The following LY75 variants were observed in gnomAD, a reference collection of about 807,000 sequenced individuals.
LY75 encodes C-type lectin domain family 13 member B.
A neutral mutation model predicts 231.7 loss-of-function variants in LY75; 185 were observed. That is an observed-to-expected ratio of 0.80 (90% CI 0.71 to 0.90). The LOEUF is 0.90. Ranked by LOEUF, LY75 falls within the 40% of genes least tolerant of loss-of-function variation. LY75 has a pLI of 0.00. For synonymous variants in LY75, 668 were observed against 689.0 expected (o/e 0.97, Z 0.48); for missense variants, 1,947 against 2,050.2 (o/e 0.95, Z 0.97).
chr2:159,850,212 A>G lies in LY75; in HGVS notation c.2990-72T>C, dbSNP rs1164773028. The G allele has an allele frequency of 3.3e-6, 5 of 1,520,780 alleles. No individual in the cohort carries two copies. In the Admixed American group the frequency reaches 1.1e-4, roughly 35 times the overall value. The allele number at this position is 1,520,780 out of a possible 1,614,324, so 94.2% of individuals were successfully genotyped here. A position where few individuals can be genotyped will look rare whatever the true frequency, so the allele number is the denominator to read the frequency against. On this transcript the variant is annotated intron_variant, in intron 22 of 34. Coordinates refer to ENST00000263636, the MANE Select transcript of LY75 (RefSeq NM_002349.4). ...AGATACATTAAAAATGTCAATGAATATATTTTGTTTATCTATCAACATAGT... is the reference window on the plus strand; with the variant it reads ...AGATACATTAAAAATGTCAATGAATGTATTTTGTTTATCTATCAACATAGT...
chr2:159,848,829 T>C (rs772733971), intron 23 of LY75, among the ~76,000 whole-genome samples: 2 of 152,100 alleles, frequency 1.3e-5, no homozygotes, highest in South Asian at 2.1e-4. Context: ...GAATAGGAGA[T>C]AGTAGGATTG....
chr2:159,816,860 T>C lies in LY75; in HGVS notation c.4326A>G (p.Glu1442=). 6.2e-7 allele frequency: 1 copy of C among 1,614,202 alleles called. No individual in the cohort carries two copies. The highest frequency in any genetic ancestry group is 8.5e-7 in the Non-Finnish European group (1 of 1,180,026). ...GAAATCCATCACGTTTTACAATATC[T>C]TCCAGAAAGAGCTGGCCATTTTGGT... ...VHNQNGQLFL[E]DIVKRDGFPL... The change falls in exon 30 of 35, where the codon GAA becomes GAG. Residue 1442 remains glutamate, a synonymous_variant. Transcript: ENST00000263636.
In LY75 at chr2:159,898,896, G is replaced by A. The variant is rs1485687670; in HGVS notation, c.258C>T (p.Leu86=). Residue 86 remains leucine (L), a synonymous_variant, in exon 2 of 35, where the codon CTC becomes CTT. Transcript: ENST00000263636. ...FHLHSQKCLG[L]DITKSVNELR... ...GCTCATTTACCGATTTGGTAATATC[G>A]AGGCCAAGGCACTTTTGGGAGTGCA... The A allele has an allele frequency of 5.6e-6, 9 of 1,614,104 alleles. No homozygotes were observed. Among genetic ancestry groups the A allele is most frequent in the East Asian group, 2.2e-5 (1 of 44,872 alleles).
At chr2:159,853,848 G>T in intron 18 of LY75, 151 bp from the exon 19 acceptor site, 1 of 995,088 alleles carries the variant, frequency 1.0e-6, no homozygotes, top group Non-Finnish European at 1.5e-6. Context: ...AGAACCTTTT[G>T]CCAAAGAGTA....
chr2:159,867,084 C>T (rs1161501338), intron 13 of LY75, among the ~76,000 whole-genome samples: 2 of 152,036 alleles, frequency 1.3e-5, no homozygotes, highest in Non-Finnish European at 2.9e-5. Flanking sequence ...AGAGTTTGCT[C>T]GATTGTCCAA....
intron 8 of LY75, 125 bp from the exon 9 acceptor site, chr2:159,879,494 T>C: frequency 7.3e-7 from 1 of 1,371,468 alleles, no homozygotes; most frequent in Non-Finnish European, 9.9e-7. Flanking sequence ...TTATCAAATG[T>C]GAGAACACAC....
At chr2:159,887,566 C>CAAAAAAAAAAAAAAAAAAAAAAAAAAAA (rs369452762) in intron 4 of LY75, among the ~76,000 whole-genome samples, 1 of 103,820 alleles carries the variant, frequency 9.6e-6, no homozygotes, top group Admixed American at 9.8e-5. Context: ...TCAACAACAA[C>CAAAAAAAAAAAAAAAAAAAAAAAAAAAA]AAAAAAAAAA....
intron 21 of LY75, among the ~76,000 whole-genome samples, chr2:159,851,613 C>G (rs1029395626): frequency 6.6e-6 from 1 of 152,162 alleles, no homozygotes; most frequent in Non-Finnish European, 1.5e-5. Flanking sequence ...CTGTAGCAAC[C>G]TCTTTTCAGA....
intron 23 of LY75, among the ~76,000 whole-genome samples, chr2:159,848,668 A>G (rs1684292848): frequency 6.6e-6 from 1 of 152,196 alleles, no homozygotes; most frequent in Non-Finnish European, 1.5e-5. Flanking sequence ...TATCAAGAAA[A>G]CAGTGTATGG....
In LY75 at chr2:159,819,799, A is replaced by T. The variant is rs1245768270; in HGVS notation, c.4080T>A (p.Ile1360=). ...AGLSTDGFWD[I]QTFKVIEEAV... ...CTTCTTCAATAACTTTAAAGGTTTG[A>T]ATATCCCAGAAGCCGTCAGTACTTA... Residue 1360 remains isoleucine, a synonymous_variant, in exon 29 of 35, where the codon ATT becomes ATA. Transcript: ENST00000263636. 2 of 1,613,890 alleles carry T rather than the reference A, an allele frequency of 1.2e-6. No individual in the cohort carries two copies. The highest frequency in any genetic ancestry group is 3.3e-5 in the Admixed American group (2 of 59,966).
At chr2:159,817,117 A>G (rs985631969) in intron 29 of LY75, 85 bp from the exon 30 acceptor site, 2 of 1,358,930 alleles carry the variant, frequency 1.5e-6, no homozygotes, top group Non-Finnish European at 1.9e-6. Flanking sequence ...ATCATTTCAA[A>G]AGTTAAATAA....
intron 11 of LY75, among the ~76,000 whole-genome samples, chr2:159,876,792 G>T (rs945839986): frequency 6.6e-6 from 1 of 151,874 alleles, no homozygotes; most frequent in African/African-American, 2.4e-5. Flanking sequence ...GATCACCTGA[G>T]GTCAGGAGTT....
intron 31 of LY75, among the ~76,000 whole-genome samples, chr2:159,812,899 T>C (rs1179286092): frequency 1.3e-5 from 2 of 152,218 alleles, no homozygotes; most frequent in African/African-American, 2.4e-5. Flanking sequence ...CCTGTCTCTA[T>C]GAATTTGACA....
intron 7 of LY75, among the ~76,000 whole-genome samples, chr2:159,881,571 T>C (rs182822955): frequency 1.3e-5 from 2 of 152,270 alleles, no homozygotes; most frequent in East Asian, 1.9e-4. Context: ...ACTGCTGCCC[T>C]GGTATGACTC....
intron 16 of LY75, among the ~76,000 whole-genome samples, chr2:159,857,886 G>T (rs1684593435): frequency 6.6e-6 from 1 of 151,946 alleles, no homozygotes; most frequent in Admixed American, 6.5e-5. Context: ...CAATCTAACT[G>T]GCTTCTCAAA....
chr2:159,860,769 A>G (rs1396233317), intron 15 of LY75, 52 bp downstream of exon 15: 20 of 1,602,396 alleles, frequency 1.2e-5, no homozygotes, highest in Admixed American at 1.7e-5. Flanking sequence ...TTGACTGCAT[A>G]TGATGATGGA....
intron 25 of LY75, among the ~76,000 whole-genome samples, chr2:159,837,829 T>A (rs13009425): frequency 0.14 from 21,515 of 152,212 alleles, 1,751 homozygotes; most frequent in South Asian, 0.28. Context: ...TGACATTCAC[T>A]GAGGACTTGG....
At chr2:159,871,678 C>G (rs1297212535) in intron 13 of LY75, 1 of 151,982 alleles carries the variant, frequency 6.6e-6, no homozygotes, top group Admixed American at 6.6e-5. Flanking sequence ...TTAATCAAAA[C>G]TGATAATGGG....
At chr2:159,842,413 C>T in intron 23 of LY75, 39 bp from the exon 24 acceptor site, 1 of 1,582,512 alleles carries the variant, frequency 6.3e-7, no homozygotes, top group Non-Finnish European at 8.6e-7. Context: ...AATCATGTAA[C>T]AATGGTCTGA....
Sources: gnomAD v4.1 joint callset for allele counts (sites outside exome capture counted in the v4.1 genomes callset) on GRCh38, gnomAD v4.1.1 for gene constraint, MANE v1.5 for transcripts, NCBI Gene and HGNC (gene_info 2026-07-23, HGNC 2026-07-21) for gene names.